GRK4: variants seen among roughly 807,000 people sequenced by gnomAD.
The protein encoded by GRK4 is G protein-coupled receptor kinase 2-like.
In GRK4, 73 loss-of-function variants were observed where a neutral mutation model predicts 77.9. That is an observed-to-expected ratio of 0.94 (90% CI 0.78 to 1.14). GRK4 has a LOEUF of 1.14. Ranked by LOEUF, GRK4 falls within the 50% of genes most tolerant of loss-of-function variation. The pLI, the probability that GRK4 is intolerant of heterozygous loss-of-function variation, is 0.00. For missense variants in GRK4, 729 were observed against 700.2 expected (o/e 1.04, Z -0.46); for synonymous variants, 257 against 254.4 (o/e 1.01, Z -0.10).
Position 2,963,663 on chromosome 4 carries a change from G to GCGCCAGGACATGGA in GRK4, c.-408_-407insCGCCAGGACATGGA. On this transcript the variant is annotated 5_prime_UTR_variant, in exon 1 of 16. The change creates a new upstream start codon in the 5' untranslated region. Coordinates refer to ENST00000398052, the MANE Select transcript of GRK4 (RefSeq NM_182982.3). ...CGGGAGCGGGTCGCCGGCCGCGGCG[G>GCGCCAGGACATGGA]GCGCCCCTGCCAGTGAGCCCCTGTC... 2 of 374,784 alleles carry GCGCCAGGACATGGA rather than the reference G, an allele frequency of 5.3e-6. No individual in the cohort carries two copies. The highest frequency in any genetic ancestry group is 1.1e-4 in the South Asian group (2 of 18,148). The allele number at this position is 374,784 out of a possible 1,614,324, so 23.2% of individuals were successfully genotyped here.
At chr4:3,022,328 G>T in intron 9 of GRK4, 86 bp from the exon 10 acceptor site, 1 of 1,328,508 alleles carries the variant, frequency 7.5e-7, no homozygotes, top group South Asian at 1.2e-5. Flanking sequence ...GCTAGCCCTT[G>T]CTCACGCTGG....
intron 13 of GRK4, among the ~76,000 whole-genome samples, chr4:3,036,282 G>A (rs1740618891): frequency 6.6e-6 from 1 of 152,218 alleles, no homozygotes. Flanking sequence ...ACCCTGAAGT[G>A]GTCACTGTGC....
intron 12 of GRK4, 92 bp downstream of exon 12, chr4:3,029,501 C>T: frequency 5.6e-6 from 6 of 1,062,974 alleles, no homozygotes; most frequent in Non-Finnish European, 8.4e-6. Flanking sequence ...ATTGGTCTGT[C>T]ATCTTCAGCA....
intron 10 of GRK4, 114 bp downstream of exon 10, chr4:3,022,565 CAAAAAG>C: frequency 1.1e-6 from 1 of 921,436 alleles, no homozygotes; most frequent in Non-Finnish European, 1.7e-6. Flanking sequence ...GAAACAATAA[CAAAAAG>C]AAAAACTCTG....
In GRK4 at chr4:2,964,051, G is replaced by C. The variant is rs1174538418; in HGVS notation, c.-20G>C. Reference sequence around the variant, plus strand: ...TCTCCTCGGTCTCGCAGAATCCGCCGGCGGCGGCGGCGCCAGGACATGGAG... The same window carrying C: ...TCTCCTCGGTCTCGCAGAATCCGCCCGCGGCGGCGGCGCCAGGACATGGAG... On this transcript the variant is annotated 5_prime_UTR_variant, in exon 1 of 16. Coordinates refer to ENST00000398052, the MANE Select transcript of GRK4 (RefSeq NM_182982.3). 1.9e-6 allele frequency: 3 copies of C among 1,604,014 alleles called. No individual in the cohort carries two copies. The highest frequency in any genetic ancestry group is 2.6e-6 in the Non-Finnish European group (3 of 1,175,780).
At chr4:3,034,438 G>C (rs1251864686) in intron 12 of GRK4, among the ~76,000 whole-genome samples, 1 of 152,220 alleles carries the variant, frequency 6.6e-6, no homozygotes, top group East Asian at 1.9e-4. Context: ...TGTCGATAAA[G>C]CCTTGTTTCC....
At chr4:2,990,754 G>T (rs1276951844) in intron 3 of GRK4, among the ~76,000 whole-genome samples, 1 of 152,208 alleles carries the variant, frequency 6.6e-6, no homozygotes, top group Non-Finnish European at 1.5e-5. Flanking sequence ...TTAGGTTTCA[G>T]TCTTCTGATA....
intron 13 of GRK4, among the ~76,000 whole-genome samples, chr4:3,036,346 G>A (rs1479593046): frequency 2.6e-5 from 4 of 152,234 alleles, no homozygotes; most frequent in Non-Finnish European, 4.4e-5. Context: ...CCCGAGGGGC[G>A]GGGCCTGCCG....
chr4:2,996,818 A>G (rs952435066), intron 4 of GRK4, among the ~76,000 whole-genome samples: 1 of 152,150 alleles, frequency 6.6e-6, no homozygotes, highest in East Asian at 1.9e-4. Context: ...GAAACAAAAA[A>G]CAAACAAATA....
intron 4 of GRK4, among the ~76,000 whole-genome samples, chr4:2,997,785 A>G (rs78137171): frequency 0.01 from 1,536 of 151,866 alleles, 29 homozygotes; most frequent in African/African-American, 0.036. Flanking sequence ...GTGCACGCCT[A>G]TAGTCCCAGC....
At chr4:2,973,905 C>T (rs531059183) in intron 1 of GRK4, among the ~76,000 whole-genome samples, 14 of 152,342 alleles carry the variant, frequency 9.2e-5, no homozygotes, top group South Asian at 8.3e-4. Flanking sequence ...CAACCTCATC[C>T]GCCCTCTCTC....
Position 3,013,758 on chromosome 4 carries a change from A to G in GRK4, c.671A>G (p.Lys224Arg), listed in dbSNP as rs1394538672. 1.2e-6 allele frequency: 2 copies of G among 1,613,762 alleles called. No individual in the cohort carries two copies. Among genetic ancestry groups the G allele is most frequent in the African/African-American group, 2.7e-5 (2 of 75,044 alleles). ...ACKKLQKKRIKKRKGEAMALN... is the reference protein window; with the variant it reads ...ACKKLQKKRIRKRKGEAMALN... The stretch of plus-strand genomic sequence containing the variant: ...AAAAAGCTACAAAAAAAAAGAATAA[A>G]GAAGAGGAAAGGTGAAGCTATGGCT... The change falls in exon 8 of 16, where the codon AAG (lysine) becomes AGG (arginine). Residue 224 changes from lysine to arginine, a missense_variant. Physicochemically the swap from Lys to Arg is conservative, Grantham distance 26. Transcript: ENST00000398052.
At chr4:2,986,907 AC>A (rs879640050) in intron 2 of GRK4, 6 of 310,316 alleles carry the variant, frequency 1.9e-5, no homozygotes, top group Admixed American at 9.0e-5. Context: ...CATTGTTGTA[AC>A]CCCCCCATTG....
chr4:3,018,596 G>T (rs1735198157), intron 8 of GRK4, among the ~76,000 whole-genome samples: 1 of 152,210 alleles, frequency 6.6e-6, no homozygotes, highest in Non-Finnish European at 1.5e-5. Flanking sequence ...TAAAGAAGGA[G>T]GCTGGGCACT....
intron 2 of GRK4, among the ~76,000 whole-genome samples, chr4:2,985,533 T>C (rs934762035): frequency 6.6e-5 from 10 of 151,140 alleles, no homozygotes; most frequent in African/African-American, 2.2e-4. Context: ...TAGTGAGACC[T>C]GTCTTGAGAA....
chr4:2,967,559 G>T (rs531077425), intron 1 of GRK4, among the ~76,000 whole-genome samples: 206 of 151,662 alleles, frequency 1.4e-3, no homozygotes, highest in African/African-American at 4.8e-3. Context: ...CACCATTCCC[G>T]GCTAATTTTT....
At chr4:2,983,861 C>T (rs967245243) in intron 1 of GRK4, among the ~76,000 whole-genome samples, 11 of 151,886 alleles carry the variant, frequency 7.2e-5, no homozygotes, top group Admixed American at 2.0e-4. Context: ...TGGTGAAAAG[C>T]GAAGGGGAAG....
chr4:3,030,649 G>A (rs2110058752), intron 12 of GRK4, among the ~76,000 whole-genome samples: 1 of 152,056 alleles, frequency 6.6e-6, no homozygotes, highest in South Asian at 2.1e-4. Flanking sequence ...TCTAGGGGGT[G>A]AGAGGGGGTC....
intron 1 of GRK4, among the ~76,000 whole-genome samples, chr4:2,975,872 C>T (rs1720985256): frequency 6.6e-6 from 1 of 152,186 alleles, no homozygotes; most frequent in African/African-American, 2.4e-5. Context: ...CTGCACTAGG[C>T]CCCAAAAATC....
Sources: allele counts gnomAD v4.1 joint callset (sites outside exome capture counted in the v4.1 genomes callset), GRCh38; gene constraint gnomAD v4.1.1; transcripts MANE v1.5; gene names NCBI Gene and HGNC (gene_info 2026-07-23, HGNC 2026-07-21).